Variants in MCTP1 observed in about 807,000 individuals in gnomAD.
The protein encoded by MCTP1 is multiple C2 and transmembrane domain-containing protein 1.
A neutral mutation model predicts 120.6 loss-of-function variants in MCTP1; 69 were observed. The observed-to-expected ratio is 0.57, with a 90% CI of 0.47 to 0.70. The LOEUF (loss-of-function observed/expected upper bound fraction) is 0.70. Ranked by LOEUF, MCTP1 falls within the 30% of genes least tolerant of loss-of-function variation. The pLI is 0.00. For missense variants in MCTP1, 1,203 were observed against 1,248.8 expected (o/e 0.96, Z 0.55); for synonymous variants, 529 against 493.1 (o/e 1.07, Z -0.96).
intron 9 of MCTP1, 53 bp from the exon 10 acceptor site, chr5:94,909,434 T>C (rs1254337145): frequency 1.3e-5 from 20 of 1,548,402 alleles, no homozygotes; most frequent in Middle Eastern, 3.4e-4. Context: ...TAAAAAAAAC[T>C]TCAACCTGAG....
At chr5:94,970,098 G>C (rs1447959639) in intron 2 of MCTP1, among the ~76,000 whole-genome samples, 1 of 151,950 alleles carries the variant, frequency 6.6e-6, no homozygotes, top group South Asian at 2.1e-4. Context: ...ATAGCACATA[G>C]ATTAATTTAA....
chr5:94,853,951 G>A (rs1289601355), intron 17 of MCTP1, among the ~76,000 whole-genome samples: 1 of 151,812 alleles, frequency 6.6e-6, no homozygotes, highest in Non-Finnish European at 1.5e-5. Flanking sequence ...ATGAAATGTG[G>A]TAGACACAGG....
At chr5:95,062,179 A>G (rs138595450) in intron 1 of MCTP1, among the ~76,000 whole-genome samples, 79 of 152,330 alleles carry the variant, frequency 5.2e-4, no homozygotes, top group African/African-American at 1.6e-3. Context: ...ACACTATTTA[A>G]TTCTTTACAA....
intron 18 of MCTP1, among the ~76,000 whole-genome samples, chr5:94,797,213 A>T (rs1229493294): frequency 6.6e-6 from 1 of 152,184 alleles, no homozygotes; most frequent in African/African-American, 2.4e-5. Context: ...TCTGGAGAAG[A>T]TAACAAGCAA....
chr5:95,179,293 C>A (rs1455708922), intron 1 of MCTP1, among the ~76,000 whole-genome samples: 4 of 152,160 alleles, frequency 2.6e-5, no homozygotes, highest in African/African-American at 4.8e-5. Context: ...TCTGGCCTTG[C>A]AAGAGATCTA....
chr5:95,284,259 G>A lies in MCTP1; in HGVS notation c.317C>T (p.Pro106Leu), dbSNP rs1456463622. The change falls in exon 1 of 23, where the codon CCC becomes CTC. Residue 106 changes from proline to leucine, a missense_variant. Transcript: ENST00000515393. This position sits in a 1 kb window ranked among gnomAD's most constrained non-coding sequence, Gnocchi z 5.2. ...TCTGCCGGCGCCGCCGGGCTCCAGG[G>A]GCTCCGGCGACGAGCAGCACAGGTT... is the stretch of plus-strand genomic sequence containing the variant. ...QPNLCCSSPE[P>L]LEPGGAGRAE... 1.9e-6 allele frequency: 3 copies of A among 1,591,532 alleles called. No homozygotes were observed. The highest frequency in any genetic ancestry group is 2.6e-6 in the Non-Finnish European group (3 of 1,176,088).
chr5:94,778,049 AAC>A (rs1000124120), intron 19 of MCTP1, among the ~76,000 whole-genome samples: 5 of 151,936 alleles, frequency 3.3e-5, no homozygotes, highest in African/African-American at 9.7e-5. Context: ...GTATGCTTTC[AAC>A]ACACAAATTA....
At chr5:95,149,518 G>A (rs1362746479) in intron 1 of MCTP1, among the ~76,000 whole-genome samples, 1 of 152,216 alleles carries the variant, frequency 6.6e-6, no homozygotes, top group African/African-American at 2.4e-5. Context: ...CTGGTTAGGA[G>A]CAGTGGGGCT....
chr5:95,172,394 T>C (rs1747430973), intron 1 of MCTP1, among the ~76,000 whole-genome samples: 1 of 152,218 alleles, frequency 6.6e-6, no homozygotes, highest in Non-Finnish European at 1.5e-5. Context: ...TTCTCAGATC[T>C]CAAACTCTGT....
At chr5:95,045,302 C>T (rs1842975361) in intron 1 of MCTP1, among the ~76,000 whole-genome samples, 1 of 152,200 alleles carries the variant, frequency 6.6e-6, no homozygotes, top group South Asian at 2.1e-4. Context: ...TTCTTTACCA[C>T]AGCAACCTGC....
rs11954620 is a variant in MCTP1 at position 95,014,125 on chromosome 5, A to G, written c.838+3242T>C. On this transcript the variant is annotated intron_variant, in intron 2 of 22. Coordinates refer to ENST00000515393, the MANE Select transcript of MCTP1 (RefSeq NM_024717.7). ...AAAAAAAGAAAAAAAATAGCCGGGC[A>G]TGGCGACACAAACTTGTAGTCCTAG... Among the ~76,000 whole-genome samples, 458 of 152,186 alleles carry G rather than the reference A, an allele frequency of 3.0e-3. 5 individuals carry two copies. Among genetic ancestry groups the G allele is most frequent in the African/African-American group, 0.011 (445 of 41,550 alleles).
At chr5:94,731,331 T>C (rs1290719666) in intron 19 of MCTP1, among the ~76,000 whole-genome samples, 1 of 152,218 alleles carries the variant, frequency 6.6e-6, no homozygotes, top group African/African-American at 2.4e-5. Context: ...GTTTGTGTAT[T>C]TCTTCTTAGA....
chr5:94,813,427 A>T (rs1203993667), intron 17 of MCTP1, among the ~76,000 whole-genome samples: 1 of 152,218 alleles, frequency 6.6e-6, no homozygotes, highest in Non-Finnish European at 1.5e-5. Context: ...AAATGTAAAC[A>T]TACATTTACC....
At chr5:95,031,232 T>C (rs1200909772) in intron 1 of MCTP1, among the ~76,000 whole-genome samples, 1 of 151,980 alleles carries the variant, frequency 6.6e-6, no homozygotes, top group Non-Finnish European at 1.5e-5. Context: ...CAAGAAAATT[T>C]TCCTAATCTT....
At chr5:95,228,573 T>A (rs1754559083) in intron 1 of MCTP1, among the ~76,000 whole-genome samples, 1 of 151,416 alleles carries the variant, frequency 6.6e-6, no homozygotes, top group African/African-American at 2.4e-5. Flanking sequence ...TCTTAAGGAG[T>A]GAGGAGAACC....
At chr5:94,747,925 T>TAC (rs1767306542) in intron 19 of MCTP1, among the ~76,000 whole-genome samples, 1 of 152,090 alleles carries the variant, frequency 6.6e-6, no homozygotes, top group Non-Finnish European at 1.5e-5. Flanking sequence ...ATCCCGTCTC[T>TAC]ACTAAAAGTA....
intron 19 of MCTP1, among the ~76,000 whole-genome samples, chr5:94,740,662 T>C (rs1011114984): frequency 3.9e-5 from 6 of 152,170 alleles, no homozygotes; most frequent in African/African-American, 1.4e-4. Context: ...TAGAGCTTCA[T>C]TGTGAGAGAA....
At chr5:94,755,692 G>C (rs575222471) in intron 19 of MCTP1, among the ~76,000 whole-genome samples, 4 of 152,144 alleles carry the variant, frequency 2.6e-5, no homozygotes, top group African/African-American at 4.8e-5. Flanking sequence ...CTCCTTTTCA[G>C]TATATGTTCT....
chr5:94,820,990 T>C (rs1376540922), intron 17 of MCTP1, among the ~76,000 whole-genome samples: 2 of 152,116 alleles, frequency 1.3e-5, no homozygotes, highest in Admixed American at 6.6e-5. Flanking sequence ...CTTTTCCAGA[T>C]CAGGAAACAC....
Sources: gnomAD v4.1 joint callset for allele counts (sites outside exome capture counted in the v4.1 genomes callset) on GRCh38, gnomAD v4.1.1 for gene constraint, Gnocchi (gnomAD v3.1) non-coding constraint, MANE v1.5 for transcripts, NCBI Gene and HGNC (gene_info 2026-07-23, HGNC 2026-07-21) for gene names.